KPNA7: variants seen among roughly 807,000 people sequenced by gnomAD.
KPNA7 encodes karyopherin subunit alpha 7, also known as importin subunit alpha-8.
Under a neutral mutation model 53.7 loss-of-function variants are expected in KPNA7, and 54 were observed. The ratio of observed to expected loss-of-function variants is 1.01; its 90% CI spans 0.81 to 1.26. The LOEUF (loss-of-function observed/expected upper bound fraction) is 1.26. Among genes scored for constraint, KPNA7 ranks in the 50% most tolerant of loss-of-function variants. The pLI is 0.00. For synonymous variants in KPNA7, 276 were observed against 259.3 expected (o/e 1.06, Z -0.62); for missense variants, 640 against 644.5 (o/e 0.99, Z 0.07).
downstream of KPNA7, among the ~76,000 whole-genome samples, chr7:99,170,632 G>A (rs1381761540): frequency 6.6e-6 from 1 of 152,198 alleles, no homozygotes; most frequent in African/African-American, 2.4e-5. Flanking sequence ...GTGAGCCACT[G>A]TTCCAAGCTG....
intron 3 of KPNA7, among the ~76,000 whole-genome samples, chr7:99,201,753 G>A (rs1186656811): frequency 6.6e-6 from 1 of 151,800 alleles, no homozygotes; most frequent in African/African-American, 2.4e-5. Context: ...GTCACCCATG[G>A]GTTGAAGTGC....
the KPNA7 span, among the ~76,000 whole-genome samples, chr7:99,146,796 T>C: frequency 6.7e-6 from 1 of 149,542 alleles, no homozygotes; most frequent in African/African-American, 2.5e-5. Flanking sequence ...CATTATAGCT[T>C]AGCCCAGCCT....
rs55867906 is a variant in KPNA7, at chr7:99,187,799, TAAAAAAA to T, written c.900+494_900+500del. Reference sequence around the variant, plus strand: ...AGCCACCGTGCCCGGCCTTTTTTTTTAAAAAAAAAAAAAAAAAAAAAAAAAAAAAAAA... The same window carrying T: ...AGCCACCGTGCCCGGCCTTTTTTTTTAAAAAAAAAAAAAAAAAAAAAAAAA... On this transcript the variant is annotated intron_variant, in intron 7 of 10. Transcript: ENST00000327442. Among the ~76,000 whole-genome samples, 358 of 65,008 alleles carry T rather than the reference TAAAAAAA, an allele frequency of 5.5e-3. 27 individuals carry two copies. The highest frequency in any genetic ancestry group is 0.023 in the African/African-American group (282 of 12,244). 42.6% of individuals were successfully genotyped at this position (65,008 alleles called of 152,430 possible).
In KPNA7 at chr7:99,181,874, A is replaced by G. The variant is rs1229331825; in HGVS notation, c.1317+9T>C. 6.5e-7 allele frequency: 1 copy of G among 1,532,606 alleles called. No homozygotes were observed. Among genetic ancestry groups the G allele is most frequent in the Non-Finnish European group, 8.8e-7 (1 of 1,133,532 alleles). 94.9% of individuals were successfully genotyped at this position (1,532,606 alleles called of 1,614,324 possible). On this transcript the variant is annotated intron_variant, in intron 9 of 10. Transcript: ENST00000327442. ...CTATTTACAAACCAACCTGTTCAGA[A>G]CGGCTCACCTGGAGGATGCAAGAGA...
Position 99,202,835 on chromosome 7 carries a change from G to A in KPNA7, c.201+271C>T, listed in dbSNP as rs73403115. Among the ~76,000 whole-genome samples, 1,076 of 152,074 alleles carry A rather than the reference G, an allele frequency of 7.1e-3. 12 individuals carry two copies. Among genetic ancestry groups the A allele is most frequent in the African/African-American group, 0.025 (1,040 of 41,476 alleles). On this transcript the variant is annotated intron_variant, in intron 3 of 10. Transcript: ENST00000327442. ...CACTCTATCCTGGGTGACAGAGTGA[G>A]ACCTGTCTCAAAAAATAAAAATAAA...
the KPNA7 span, among the ~76,000 whole-genome samples, chr7:99,167,408 C>A: frequency 2.5e-4 from 38 of 152,212 alleles, no homozygotes; most frequent in African/African-American, 8.7e-4. Context: ...GCATTAGATT[C>A]CCATAGGAGA....
At chr7:99,159,889 A>T in the KPNA7 span, among the ~76,000 whole-genome samples, 1 of 151,862 alleles carries the variant, frequency 6.6e-6, no homozygotes, top group African/African-American at 2.4e-5. Flanking sequence ...AGTTCCCCCC[A>T]AGCAATTTTT....
At chr7:99,150,421 C>CTTTTTT in the KPNA7 span, among the ~76,000 whole-genome samples, 11 of 14,874 alleles carry the variant, frequency 7.4e-4, no homozygotes, top group East Asian at 5.7e-3. Flanking sequence ...AATCATTCTT[C>CTTTTTT]TCTTTTTTTT....
At chr7:99,174,928 A>G (rs923872966) in intron 10 of KPNA7, among the ~76,000 whole-genome samples, 1 of 151,548 alleles carries the variant, frequency 6.6e-6, no homozygotes, top group African/African-American at 2.4e-5. Context: ...CTGCTGCCTC[A>G]GCCTCCTGAG....
rs145400319 is a variant in KPNA7 at position 99,201,669 on chromosome 7, A to C, written c.201+1437T>G. Among the ~76,000 whole-genome samples the C allele has an allele frequency of 5.9e-5, 9 of 151,586 alleles. No homozygotes were observed. In the East Asian group the frequency reaches 1.4e-3, roughly 23 times the overall value. ...CAGAGTGAGACTCTGTCTCAAAAAA[A>C]AAAAGCTAATATGGGACCAAAAGAA... On this transcript the variant is annotated intron_variant, in intron 3 of 10. Coordinates refer to ENST00000327442, the MANE Select transcript of KPNA7 (RefSeq NM_001145715.3).
rs1171885170 is a variant in KPNA7, at chr7:99,180,697, CTGTCTG to C, written c.1317+1180_1317+1185del. Among the ~76,000 whole-genome samples the C allele has an allele frequency of 7.6e-5, 7 of 92,256 alleles. 2 individuals carry two copies. The highest frequency in any genetic ancestry group is 1.4e-4 in the Non-Finnish European group (6 of 43,390). 60.5% of individuals were successfully genotyped at this position (92,256 alleles called of 152,430 possible). A position where few individuals can be genotyped will look rare whatever the true frequency, so the allele number is the denominator to read the frequency against. The stretch of plus-strand genomic sequence containing the variant: ...TGTGTCTCTCTCCCCGTCTGTGTCT[CTGTCTG>C]TGTCTCTCTCTCTCTCCGTCTGTGT... On this transcript the variant is annotated intron_variant, in intron 9 of 10. Transcript: ENST00000327442.
At chr7:99,200,705 G>GCCACAGTGC (rs1790481162) in intron 3 of KPNA7, among the ~76,000 whole-genome samples, 1 of 152,132 alleles carries the variant, frequency 6.6e-6, no homozygotes, top group Non-Finnish European at 1.5e-5. Context: ...GCCAGACACG[G>GCCACAGTGC]TGGCTCACAC....
chr7:99,172,925 T>C (rs1798795670), downstream of KPNA7, among the ~76,000 whole-genome samples: 1 of 151,868 alleles, frequency 6.6e-6, no homozygotes, highest in South Asian at 2.1e-4. Context: ...TAGCCCAGCA[T>C]GGTGGCAGGC....
chr7:99,193,175 G>C, intron 5 of KPNA7, 74 bp from the exon 6 acceptor site: 1 of 939,274 alleles, frequency 1.1e-6, no homozygotes, highest in South Asian at 2.1e-5. Context: ...AATTTTTTAA[G>C]AGTGTGCAAA....
At chr7:99,204,177 T>C (rs66785725) in intron 2 of KPNA7, among the ~76,000 whole-genome samples, 12,056 of 152,028 alleles carry the variant, frequency 0.079, 518 homozygotes, top group South Asian at 0.15. Flanking sequence ...CCAGGAATTC[T>C]AGACCAGCCT....
chr7:99,184,234 A>G (rs1314947030), intron 8 of KPNA7, among the ~76,000 whole-genome samples: 1 of 148,432 alleles, frequency 6.7e-6, no homozygotes, highest in Non-Finnish European at 1.5e-5. Context: ...AGCTCACAGC[A>G]GCCTTGACCT....
chr7:99,201,397 C>T (rs1302193083), intron 3 of KPNA7, among the ~76,000 whole-genome samples: 2 of 151,872 alleles, frequency 1.3e-5, no homozygotes, highest in African/African-American at 4.8e-5. Flanking sequence ...AGCACAGTGG[C>T]TCATGCCTGT....
At chr7:99,149,784 T>TTTG in the KPNA7 span, among the ~76,000 whole-genome samples, 6 of 152,120 alleles carry the variant, frequency 3.9e-5, no homozygotes, top group Admixed American at 3.3e-4. Flanking sequence ...CAAGTTGTTT[T>TTTG]TTGTTGTTGT....
rs371242190 is a variant in KPNA7 at position 99,196,558 on chromosome 7, G to A, written c.202-392C>T. On this transcript the variant is annotated intron_variant, in intron 3 of 10. Transcript: ENST00000327442. ...CTGTAGAAATTGACCAAAGGCTTGC[G>A]GCCAATTGTTTTATTCAAGCCAGGA... 2.0e-5 allele frequency among the ~76,000 whole-genome samples: 3 copies of A among 152,118 alleles called. No individual in the cohort carries two copies. The South Asian group carries it at 6.2e-4, about 32-fold the overall frequency.
Sources: gnomAD v4.1 joint callset for allele counts (sites outside exome capture counted in the v4.1 genomes callset) on GRCh38, gnomAD v4.1.1 for gene constraint, MANE v1.5 for transcripts, NCBI Gene and HGNC (gene_info 2026-07-23, HGNC 2026-07-21) for gene names.